Variants in CAMTA1 observed in about 807,000 individuals in gnomAD.
The protein encoded by CAMTA1 is calmodulin binding transcription activator 1.
Under a neutral mutation model 170.9 loss-of-function variants are expected in CAMTA1, and 27 were observed. The observed-to-expected ratio is 0.16, with a 90% confidence interval of 0.12 to 0.22. The LOEUF (loss-of-function observed/expected upper bound fraction) is 0.22. CAMTA1 is among the 10% of genes least tolerant of loss of function. CAMTA1 has a pLI of 1.00. For synonymous variants in CAMTA1, 833 were observed against 891.5 expected (o/e 0.93, Z 1.17); for missense variants, 1,619 against 2,217.2 (o/e 0.73, Z 5.42).
intron 1 of CAMTA1, among the ~76,000 whole-genome samples, chr1:6,818,697 G>GGT (rs774520125): frequency 7.2e-5 from 11 of 152,126 alleles, no homozygotes; most frequent in Non-Finnish European, 1.5e-4. Context: ...GGAGTGCAGT[G>GGT]GTGTGATCAT....
intron 4 of CAMTA1, among the ~76,000 whole-genome samples, chr1:7,133,138 T>G (rs1216775935): frequency 6.6e-6 from 1 of 152,188 alleles, no homozygotes; most frequent in Non-Finnish European, 1.5e-5. Context: ...GCTCCTATAT[T>G]CTGGAAAGGT....
Position 7,677,742 on chromosome 1 carries a change from A to G in CAMTA1, c.2914+9A>G, listed in dbSNP as rs2096136706. 1 of 1,610,836 alleles carries G rather than the reference A, an allele frequency of 6.2e-7. No individual in the cohort carries two copies. Among genetic ancestry groups the G allele is most frequent in the African/African-American group, 1.3e-5 (1 of 74,966 alleles). ...CTGGCTGTCGTTGGACGGTAAGAAC[A>G]GTGCTTGGGTCGTCTTGCCAGGCAC... is the stretch of plus-strand genomic sequence containing the variant. On this transcript the variant is annotated intron_variant, in intron 11 of 22. Transcript: ENST00000303635.
At chr1:7,521,840 C>G (rs552460229) in intron 6 of CAMTA1, among the ~76,000 whole-genome samples, 2 of 152,362 alleles carry the variant, frequency 1.3e-5, no homozygotes, top group East Asian at 3.9e-4. Context: ...AGCCACTGCG[C>G]TCACTCCACA....
At position 7,308,605 on chromosome 1, in the gene CAMTA1, G is replaced by A. The variant is rs542406948; in HGVS notation, c.438+58979G>A. ...ATTTTTTTGACCTATGGGCTATTTAGAGAGTTTTCAATTTTCAAATATTTG... is the reference window on the plus strand; with the variant it reads ...ATTTTTTTGACCTATGGGCTATTTAAAGAGTTTTCAATTTTCAAATATTTG... On this transcript the variant is annotated intron_variant, in intron 5 of 22. Coordinates refer to ENST00000303635, the MANE Select transcript of CAMTA1 (RefSeq NM_015215.4). 9.1e-4 allele frequency among the ~76,000 whole-genome samples: 138 copies of A among 152,216 alleles called. 1 individual carries two copies. Among genetic ancestry groups the A allele is most frequent in the Non-Finnish European group, 6.0e-4 (41 of 67,978 alleles).
chr1:6,803,428 T>C (rs2148237171), intron 1 of CAMTA1, among the ~76,000 whole-genome samples: 1 of 152,296 alleles, frequency 6.6e-6, no homozygotes, highest in African/African-American at 2.4e-5. Context: ...CTTGTTGTTC[T>C]TGATTTTTCA....
chr1:7,083,443 G>A (rs1440244248), intron 3 of CAMTA1, among the ~76,000 whole-genome samples: 1 of 152,210 alleles, frequency 6.6e-6, no homozygotes, highest in Non-Finnish European at 1.5e-5. Context: ...CCTGTGGGTG[G>A]GGGGTCCGGG....
In CAMTA1 at chr1:7,461,615, A is replaced by G. The variant is rs142596295; in HGVS notation, c.439-6215A>G. On this transcript the variant is annotated intron_variant, in intron 5 of 22. Transcript: ENST00000303635. ...AATGCCAAGGATGTCTTTTCCAGTG[A>G]TCCATGAAATTAGATGCTGGCCTCA... 1.0e-3 allele frequency among the ~76,000 whole-genome samples: 156 copies of G among 152,330 alleles called. 1 individual carries two copies. In the East Asian group the frequency reaches 0.017, roughly 17 times the overall value.
chr1:7,117,818 C>T (rs1573200950), intron 4 of CAMTA1, among the ~76,000 whole-genome samples: 1 of 152,174 alleles, frequency 6.6e-6, no homozygotes. Context: ...CTGGGGATGG[C>T]GGACTCTCTC....
intron 5 of CAMTA1, among the ~76,000 whole-genome samples, chr1:7,288,057 C>G (rs1672594847): frequency 6.6e-6 from 1 of 152,170 alleles, no homozygotes; most frequent in Non-Finnish European, 1.5e-5. Context: ...ACTTAATTTT[C>G]TAGAGAACCC....
rs559830467 is a variant in CAMTA1 at position 7,468,824 on chromosome 1, G to T, written c.510+923G>T. On this transcript the variant is annotated intron_variant, in intron 6 of 22. Transcript: ENST00000303635. ...ATGGTTTAGGGATCTCTCTGACCTG[G>T]CGGGGGTGTAGTTGGAGGGGCCTGG... is the stretch of plus-strand genomic sequence containing the variant. Among the ~76,000 whole-genome samples the T allele has an allele frequency of 2.6e-5, 4 of 152,302 alleles. No homozygotes were observed. In the East Asian group the frequency reaches 7.7e-4, roughly 29 times the overall value.
In CAMTA1 at chr1:7,681,059, G is replaced by A. The variant is rs2096199830; in HGVS notation, c.2914+3326G>A. ...AGCCATCCTGGGAGAGACCGGGCGTGGAGATGGGGGAAGGTGGGAGGAGGA... is the reference window on the plus strand; with the variant it reads ...AGCCATCCTGGGAGAGACCGGGCGTAGAGATGGGGGAAGGTGGGAGGAGGA... On this transcript the variant is annotated intron_variant, in intron 11 of 22. Transcript: ENST00000303635. The surrounding 1 kb of genome is among the most constrained non-coding windows in gnomAD (Gnocchi z 4.6). Among the ~76,000 whole-genome samples, 1 of 152,164 alleles carries A rather than the reference G, an allele frequency of 6.6e-6. No homozygotes were observed. Among genetic ancestry groups the A allele is most frequent in the African/African-American group, 2.4e-5 (1 of 41,452 alleles).
At position 7,714,847 on chromosome 1, in the gene CAMTA1, A is replaced by G. The variant is rs189498532; in HGVS notation, c.2915-17601A>G. On this transcript the variant is annotated intron_variant, in intron 11 of 22. Coordinates refer to ENST00000303635, the MANE Select transcript of CAMTA1 (RefSeq NM_015215.4). ...CACAGCATCCTTCTTATTAGGACCT[A>G]TGGGAGAAATTTATTTCAGATCCTA... 4.0e-3 allele frequency among the ~76,000 whole-genome samples: 613 copies of G among 152,216 alleles called. 4 individuals are homozygous for G. The highest frequency in any genetic ancestry group is 6.9e-3 in the Non-Finnish European group (470 of 68,026).
chr1:7,233,206 T>C (rs1663164194), intron 4 of CAMTA1, among the ~76,000 whole-genome samples: 1 of 152,242 alleles, frequency 6.6e-6, no homozygotes, highest in Admixed American at 6.5e-5. Flanking sequence ...CATTGGATTC[T>C]TAATAAAATA....
chr1:6,857,710 G>C (rs1662972227), intron 3 of CAMTA1, among the ~76,000 whole-genome samples: 1 of 152,224 alleles, frequency 6.6e-6, no homozygotes, highest in Non-Finnish European at 1.5e-5. Flanking sequence ...CTGTATGACA[G>C]GCAATACTCT....
rs533436985 is a variant in CAMTA1 at position 7,669,339 on chromosome 1, C to T, written c.2653-1572C>T. Among the ~76,000 whole-genome samples the T allele has an allele frequency of 6.6e-5, 10 of 152,354 alleles. No individual in the cohort carries two copies. The South Asian group carries it at 2.1e-3, about 32-fold the overall frequency. On this transcript the variant is annotated intron_variant, in intron 9 of 22. Transcript: ENST00000303635. ...ATGGGAGGAGCTACTTCCACCTCATCCCTGGAAACACTCACTCCTGCTGCA... is the reference window on the plus strand; with the variant it reads ...ATGGGAGGAGCTACTTCCACCTCATTCCTGGAAACACTCACTCCTGCTGCA...
intron 4 of CAMTA1, among the ~76,000 whole-genome samples, chr1:7,155,390 G>GT (rs145111544): frequency 0.017 from 1,262 of 74,012 alleles, 7 homozygotes; most frequent in African/African-American, 0.045. Flanking sequence ...GCACCGTTGG[G>GT]GGGGGGATTG....
intron 5 of CAMTA1, among the ~76,000 whole-genome samples, chr1:7,387,142 C>T (rs975573969): frequency 7.9e-5 from 12 of 152,114 alleles, no homozygotes; most frequent in African/African-American, 2.4e-4. Flanking sequence ...CCCCCTCCAA[C>T]GGGAGACTTC....
intron 3 of CAMTA1, among the ~76,000 whole-genome samples, chr1:6,844,885 A>G (rs1433368045): frequency 2.8e-4 from 43 of 152,154 alleles, no homozygotes; most frequent in Non-Finnish European, 4.4e-5. Context: ...TTAAGGACAC[A>G]TAAGTAACTC....
Position 7,656,981 on chromosome 1 carries a change from C to T in CAMTA1, c.665-4745C>T, listed in dbSNP as rs114680373. Among the ~76,000 whole-genome samples, 553 of 152,336 alleles carry T rather than the reference C, an allele frequency of 3.6e-3. 2 individuals carry two copies. The highest frequency in any genetic ancestry group is 0.013 in the African/African-American group (537 of 41,574). On this transcript the variant is annotated intron_variant, in intron 7 of 22. Transcript: ENST00000303635. ...CACTCCCAGCCTCGGCTCTGCAAGC[C>T]GATCCTCACACAGGCCGCGCTGCAG...
Sources: gnomAD v4.1 joint callset for allele counts (sites outside exome capture counted in the v4.1 genomes callset) on GRCh38, gnomAD v4.1.1 for gene constraint, Gnocchi (gnomAD v3.1) non-coding constraint, MANE v1.5 for transcripts, NCBI Gene and HGNC (gene_info 2026-07-23, HGNC 2026-07-21) for gene names.